The following MFSD1 variants were observed in gnomAD, a reference collection of about 807,000 sequenced individuals.
The protein encoded by MFSD1 is lysosomal dipeptide transporter MFSD1.
Under a neutral mutation model 67.1 loss-of-function variants are expected in MFSD1, and 59 were observed. That is an observed-to-expected ratio of 0.88 (90% CI 0.71 to 1.09). The LOEUF (loss-of-function observed/expected upper bound fraction) is 1.09. MFSD1 is among the 50% of genes least tolerant of loss of function. MFSD1 has a pLI of 0.00. For missense variants in MFSD1, 552 were observed against 566.1 expected (o/e 0.97, Z 0.25); for synonymous variants, 213 against 200.3 (o/e 1.06, Z -0.54).
At position 158,829,519 on chromosome 3, in the gene MFSD1, G is replaced by GTAGTTATGTGGATTGCCGGT. The variant is rs1731204519; in HGVS notation, c.*555_*556insGTTAGTTATGTGGATTGCCG. On this transcript the variant is annotated 3_prime_UTR_variant, in exon 16 of 16. Transcript: ENST00000415822. ...CGAACAATAGCTTGCGCTCTACTCTGTAGTTATGTGGATTGCCGAGCAATG... is the reference window on the plus strand; with the variant it reads ...CGAACAATAGCTTGCGCTCTACTCTGTAGTTATGTGGATTGCCGGTTAGTTATGTGGATTGCCGAGCAATG... The GTAGTTATGTGGATTGCCGGT allele has an allele frequency of 6.6e-6, 1 of 152,230 alleles. No individual in the cohort carries two copies. The highest frequency in any genetic ancestry group is 6.5e-5 in the Admixed American group (1 of 15,284). The allele number at this position is 152,230 out of a possible 1,614,324, so 9.4% of individuals were successfully genotyped here. A position where few individuals can be genotyped will look rare whatever the true frequency, so the allele number is the denominator to read the frequency against.
intron 5 of MFSD1, 104 bp from the exon 6 acceptor site, chr3:158,809,075 C>G: frequency 1.3e-6 from 1 of 762,838 alleles, no homozygotes; most frequent in African/African-American, 1.8e-5. Flanking sequence ...GAGGCCCCAT[C>G]TCTTGATAGG....
At chr3:158,815,926 A>G (rs1730309143) in intron 7 of MFSD1, among the ~76,000 whole-genome samples, 1 of 151,578 alleles carries the variant, frequency 6.6e-6, no homozygotes, top group Non-Finnish European at 1.5e-5. Flanking sequence ...TCCTTGTGAT[A>G]GTTTACTGAG....
chr3:158,802,840 A>G (rs1407813733), intron 1 of MFSD1, among the ~76,000 whole-genome samples: 1 of 152,138 alleles, frequency 6.6e-6, no homozygotes, highest in South Asian at 2.1e-4. Context: ...AGCTGGGACC[A>G]CAGATGGGGC....
chr3:158,826,022 T>G lies in MFSD1; in HGVS notation c.1296T>G (p.Leu432=). ...ATGTTTTTTCACTCCTAGTGTCACTTTTATCTGTGGTCTTACTCTATTTGG... is the reference window on the plus strand; with the variant it reads ...ATGTTTTTTCACTCCTAGTGTCACTGTTATCTGTGGTCTTACTCTATTTGG... ...VFFIACVSLS[L]LSVVLLYLVN... The change falls in exon 14 of 16, where the codon CTT becomes CTG. Residue 432 remains leucine, a synonymous_variant. Transcript: ENST00000415822. 1.2e-6 allele frequency: 2 copies of G among 1,613,306 alleles called. No homozygotes were observed. Among genetic ancestry groups the G allele is most frequent in the Non-Finnish European group, 1.7e-6 (2 of 1,179,354 alleles).
chr3:158,808,177 G>A (rs1315435454), intron 5 of MFSD1, among the ~76,000 whole-genome samples: 1 of 152,212 alleles, frequency 6.6e-6, no homozygotes, highest in Non-Finnish European at 1.5e-5. Context: ...GTCAGAAATG[G>A]CCTTACAGAT....
chr3:158,810,535 TATAA>T (rs1175055438), intron 6 of MFSD1, among the ~76,000 whole-genome samples: 1 of 152,234 alleles, frequency 6.6e-6, no homozygotes, highest in Non-Finnish European at 1.5e-5. Context: ...TTTTCACTAT[TATAA>T]ATAGTGCTAT....
In MFSD1 at chr3:158,818,192, T is replaced by G. The variant is rs556137863; in HGVS notation, c.653-1457T>G. ...GGGTGAAAGTTCTGTGCCCAAGATGTGCACATCTTTTATTCCCTTTTTCCC... is the reference window on the plus strand; with the variant it reads ...GGGTGAAAGTTCTGTGCCCAAGATGGGCACATCTTTTATTCCCTTTTTCCC... On this transcript the variant is annotated intron_variant, in intron 7 of 15. Coordinates refer to ENST00000415822, the MANE Select transcript of MFSD1 (RefSeq NM_022736.4). Among the ~76,000 whole-genome samples the G allele has an allele frequency of 2.0e-5, 3 of 152,314 alleles. No homozygotes were observed. The East Asian group carries it at 5.8e-4, about 29-fold the overall frequency.
intron 7 of MFSD1, among the ~76,000 whole-genome samples, chr3:158,818,458 C>T (rs937414801): frequency 1.3e-5 from 2 of 152,124 alleles, no homozygotes; most frequent in Non-Finnish European, 2.9e-5. Context: ...ATTTACTCCT[C>T]CTAATTGTAA....
At chr3:158,821,294 T>C (rs1371765798) in intron 9 of MFSD1, among the ~76,000 whole-genome samples, 1 of 152,236 alleles carries the variant, frequency 6.6e-6, no homozygotes, top group Admixed American at 6.5e-5. Context: ...TCAGTACTGC[T>C]TTTAAGGAAA....
chr3:158,818,555 C>A (rs566107973), intron 7 of MFSD1, among the ~76,000 whole-genome samples: 4 of 152,072 alleles, frequency 2.6e-5, no homozygotes, highest in Non-Finnish European at 2.9e-5. Context: ...CTACTCACTA[C>A]TTCTATAAGA....
intron 7 of MFSD1, among the ~76,000 whole-genome samples, chr3:158,818,960 A>G (rs368563382): frequency 1.7e-3 from 257 of 152,326 alleles, no homozygotes; most frequent in African/African-American, 5.9e-3. Context: ...GCTCACGTCT[A>G]CTGATGCTCA....
Position 158,821,980 on chromosome 3 carries a change from G to A in MFSD1, c.921-4G>A, listed in dbSNP as rs368200690. On this transcript the variant is annotated splice_region_variant and splice_polypyrimidine_tract_variant and intron_variant, in intron 10 of 15. Transcript: ENST00000415822. ...ATGAAATGTCTTATGTGTTCTCTGGGCAGTGTTGTATATGTCATATCAGCT... is the reference window on the plus strand; with the variant it reads ...ATGAAATGTCTTATGTGTTCTCTGGACAGTGTTGTATATGTCATATCAGCT... The A allele has an allele frequency of 1.9e-6, 3 of 1,610,860 alleles. No individual in the cohort carries two copies. The highest frequency in any genetic ancestry group is 2.5e-6 in the Non-Finnish European group (3 of 1,177,438).
chr3:158,809,824 A>G (rs1729910080), intron 6 of MFSD1, among the ~76,000 whole-genome samples: 1 of 152,076 alleles, frequency 6.6e-6, no homozygotes, highest in South Asian at 2.1e-4. Context: ...GACAGCTCTT[A>G]AGTTCTTGGT....
At chr3:158,807,537 A>G in intron 5 of MFSD1, 74 bp downstream of exon 5, 1 of 1,224,148 alleles carries the variant, frequency 8.2e-7, no homozygotes, top group East Asian at 2.3e-5. Flanking sequence ...TCTTTAAAAA[A>G]CCTTGTCTCT....
intron 1 of MFSD1, 146 bp downstream of exon 1, chr3:158,802,461 C>T: frequency 4.3e-6 from 4 of 940,196 alleles, no homozygotes; most frequent in Non-Finnish European, 5.0e-6. Flanking sequence ...TTCCCCTTTG[C>T]GATCGATTCC....
intron 4 of MFSD1, 21 bp from the exon 5 acceptor site, chr3:158,807,375 A>T (rs1054908187): frequency 2.5e-6 from 4 of 1,593,308 alleles, no homozygotes; most frequent in Non-Finnish European, 3.4e-6. Context: ...CATTAATTTG[A>T]CATGAACTTC....
At chr3:158,821,259 G>A (rs888327033) in intron 9 of MFSD1, among the ~76,000 whole-genome samples, 16 of 152,184 alleles carry the variant, frequency 1.1e-4, no homozygotes, top group Non-Finnish European at 2.9e-5. Flanking sequence ...CAAGAACCCT[G>A]TTTATTATTT....
chr3:158,807,417 A>G lies in MFSD1; in HGVS notation c.394A>G (p.Ile132Val), dbSNP rs544878532. 3.1e-6 allele frequency: 5 copies of G among 1,613,022 alleles called. No individual in the cohort carries two copies. The highest frequency in any genetic ancestry group is 4.2e-6 in the Non-Finnish European group (5 of 1,179,358). ...ATAGGTTGTTTTTGCCCTGGGTGGA[A>G]TATTTAATGCTTTTTGGCTGATGGA... ...IGQVVFALGG[I>V]FNAFWLMEFG... The change falls in exon 5 of 16, where the codon ATA becomes GTA. Residue 132 changes from isoleucine to valine, a missense_variant. Physicochemically the swap from Ile to Val is conservative, Grantham distance 29. Transcript: ENST00000415822.
At position 158,826,054 on chromosome 3, in the gene MFSD1, G is replaced by T; in HGVS notation, c.1328G>T (p.Arg443Leu). ...GTGGTCTTACTCTATTTGGTGAATC[G>T]TGCCCAGGGTAAGTAGAAGATCTGA... is the stretch of plus-strand genomic sequence containing the variant. Reference protein sequence around the residue: ...LSVVLLYLVNRAQGGNLNYSA... With the variant: ...LSVVLLYLVNLAQGGNLNYSA... The change falls in exon 14 of 16, where the codon CGT becomes CTT. Residue 443 changes from arginine (R) to leucine (L), a missense_variant. By Grantham distance (102) the Arg-to-Leu change is moderately radical. Transcript: ENST00000415822. 1.2e-6 allele frequency: 2 copies of T among 1,613,204 alleles called. No homozygotes were observed. The highest frequency in any genetic ancestry group is 1.3e-5 in the African/African-American group (1 of 74,956).
Sources: gnomAD v4.1 joint callset for allele counts (sites outside exome capture counted in the v4.1 genomes callset) on GRCh38, gnomAD v4.1.1 for gene constraint, MANE v1.5 for transcripts, NCBI Gene and HGNC (gene_info 2026-07-23, HGNC 2026-07-21) for gene names.